Variants in NEGR1 observed in about 807,000 individuals in gnomAD.
NEGR1 encodes IgLON family member 4.
A neutral mutation model predicts 40.9 loss-of-function variants in NEGR1; 10 were observed. The observed-to-expected ratio is 0.24, with a 90% CI of 0.15 to 0.42. The LOEUF (loss-of-function observed/expected upper bound fraction) is 0.42, where lower values mean the gene tolerates loss of function less well. NEGR1 is among the 10% of genes least tolerant of loss of function. The probability of loss-of-function intolerance (pLI) is 1.00; values close to 1 mark genes in which losing one functional copy is unlikely to be tolerated. For missense variants in NEGR1, 352 were observed against 438.9 expected (o/e 0.80, Z 1.77); for synonymous variants, 185 against 166.8 (o/e 1.11, Z -0.84).
intron 2 of NEGR1, among the ~76,000 whole-genome samples, chr1:71,903,947 C>T (rs1248480190): frequency 6.6e-6 from 1 of 151,860 alleles, no homozygotes. Flanking sequence ...TTCTAATTTG[C>T]ATGAGTCTTA....
chr1:71,428,518 A>G (rs933330703), intron 6 of NEGR1, among the ~76,000 whole-genome samples: 2 of 152,138 alleles, frequency 1.3e-5, no homozygotes, highest in Admixed American at 1.3e-4. Flanking sequence ...CTGAAAGATA[A>G]TGAATAATTT....
chr1:71,809,300 G>A (rs1570376592), intron 2 of NEGR1, among the ~76,000 whole-genome samples: 1 of 152,072 alleles, frequency 6.6e-6, no homozygotes, highest in South Asian at 2.1e-4. Context: ...ATAGGCCTTG[G>A]TCTCATCTTT....
chr1:72,129,730 G>A (rs974996498), intron 1 of NEGR1, among the ~76,000 whole-genome samples: 8 of 152,182 alleles, frequency 5.3e-5, no homozygotes, highest in African/African-American at 1.2e-4. Flanking sequence ...ATGGAAATAG[G>A]TAGTTAATGA....
chr1:71,767,381 C>T (rs984085039), intron 3 of NEGR1, among the ~76,000 whole-genome samples: 1 of 152,116 alleles, frequency 6.6e-6, no homozygotes, highest in African/African-American at 2.4e-5. Context: ...CTGTATTGTG[C>T]CCCTGCTCTA....
intron 6 of NEGR1, among the ~76,000 whole-genome samples, 198 bp downstream of exon 6, chr1:71,592,619 C>T (rs962106364): frequency 6.6e-6 from 1 of 152,108 alleles, no homozygotes; most frequent in African/African-American, 2.4e-5. Flanking sequence ...TCGACTTCTA[C>T]AGGGATTATA....
At chr1:71,743,664 C>T (rs1191982260) in intron 3 of NEGR1, among the ~76,000 whole-genome samples, 2 of 152,164 alleles carry the variant, frequency 1.3e-5, no homozygotes, top group African/African-American at 2.4e-5. Flanking sequence ...TCAGCAGCAT[C>T]TCCAAAGGGT....
chr1:71,547,039 T>G (rs1274427795), intron 6 of NEGR1, among the ~76,000 whole-genome samples: 2 of 151,706 alleles, frequency 1.3e-5, no homozygotes, highest in African/African-American at 2.4e-5. Flanking sequence ...TCAAGTTGCT[T>G]TTGCTCTTAT....
At chr1:72,054,215 C>T (rs1647088859) in intron 1 of NEGR1, among the ~76,000 whole-genome samples, 1 of 151,316 alleles carries the variant, frequency 6.6e-6, no homozygotes, top group Non-Finnish European at 1.5e-5. Context: ...CACCTTAAAC[C>T]AGAAATCCTT....
At chr1:72,206,544 T>G (rs1210289204) in intron 1 of NEGR1, among the ~76,000 whole-genome samples, 5 of 151,546 alleles carry the variant, frequency 3.3e-5, no homozygotes, top group African/African-American at 1.2e-4. Context: ...TGAGCTAACC[T>G]TGACATTGTA....
chr1:71,448,580 G>A (rs1392742594), intron 6 of NEGR1, among the ~76,000 whole-genome samples: 1 of 151,942 alleles, frequency 6.6e-6, no homozygotes, highest in Non-Finnish European at 1.5e-5. Flanking sequence ...GCCTGGGCGA[G>A]AGAGGGAGAC....
chr1:72,102,758 T>C (rs959581385), intron 1 of NEGR1, among the ~76,000 whole-genome samples: 1 of 152,128 alleles, frequency 6.6e-6, no homozygotes, highest in Non-Finnish European at 1.5e-5. Context: ...TATTCACTTA[T>C]AAAGTTATTT....
chr1:71,748,030 T>C (rs907195943), intron 3 of NEGR1, among the ~76,000 whole-genome samples: 10 of 152,198 alleles, frequency 6.6e-5, no homozygotes, highest in Non-Finnish European at 1.3e-4. Flanking sequence ...GTAAATACTT[T>C]CATGTTGATT....
intron 3 of NEGR1, among the ~76,000 whole-genome samples, chr1:71,749,877 C>G (rs570113053): frequency 2.0e-5 from 3 of 152,144 alleles, no homozygotes; most frequent in Non-Finnish European, 4.4e-5. Flanking sequence ...AATACAGAAG[C>G]AGTCACTATA....
intron 2 of NEGR1, among the ~76,000 whole-genome samples, chr1:71,837,726 C>T (rs1025176691): frequency 9.9e-5 from 15 of 152,018 alleles, no homozygotes; most frequent in African/African-American, 2.4e-4. Context: ...CCTCCCAAAC[C>T]GCCATTAGCA....
At chr1:71,717,041 G>A (rs144150408) in intron 3 of NEGR1, among the ~76,000 whole-genome samples, 140 of 152,220 alleles carry the variant, frequency 9.2e-4, no homozygotes, top group East Asian at 4.8e-3. Context: ...TGTTTATGTC[G>A]TTGTTTCCAG....
At chr1:72,119,321 A>G (rs1020439847) in intron 1 of NEGR1, among the ~76,000 whole-genome samples, 53 of 152,006 alleles carry the variant, frequency 3.5e-4, no homozygotes, top group African/African-American at 1.2e-3. Flanking sequence ...CTGAGGAATT[A>G]GTGATGCTTC....
intron 1 of NEGR1, among the ~76,000 whole-genome samples, chr1:72,000,235 T>C (rs1366779141): frequency 6.6e-6 from 1 of 152,096 alleles, no homozygotes; most frequent in Non-Finnish European, 1.5e-5. Context: ...AAGGTAGTTA[T>C]GGGTATAATT....
intron 3 of NEGR1, among the ~76,000 whole-genome samples, chr1:71,756,097 G>T (rs961659211): frequency 1.3e-5 from 2 of 152,070 alleles, no homozygotes; most frequent in Non-Finnish European, 2.9e-5. Flanking sequence ...CTAGCAAGAA[G>T]ACTTATTGAT....
At chr1:71,841,561 C>G (rs1157725056) in intron 2 of NEGR1, among the ~76,000 whole-genome samples, 1 of 152,138 alleles carries the variant, frequency 6.6e-6, no homozygotes, top group Non-Finnish European at 1.5e-5. Context: ...GGGACAAATA[C>G]ACTGTCATGT....
Sources: gnomAD v4.1 joint callset for allele counts (sites outside exome capture counted in the v4.1 genomes callset) on GRCh38, gnomAD v4.1.1 for gene constraint, MANE v1.5 for transcripts, NCBI Gene and HGNC (gene_info 2026-07-23, HGNC 2026-07-21) for gene names.